Variants in CAMTA1 observed in about 807,000 individuals in gnomAD.
The protein encoded by CAMTA1 is calmodulin-binding transcription activator 1.
In CAMTA1, 27 loss-of-function variants were observed where a neutral mutation model predicts 170.9. The observed-to-expected ratio is 0.16, with a 90% CI of 0.12 to 0.22. The LOEUF (loss-of-function observed/expected upper bound fraction) is 0.22. Ranked by LOEUF, CAMTA1 falls within the 10% of genes least tolerant of loss-of-function variation. The probability of loss-of-function intolerance (pLI) is 1.00; values close to 1 mark genes in which losing one functional copy is unlikely to be tolerated. For missense variants in CAMTA1, 1,619 were observed against 2,217.2 expected (o/e 0.73, Z 5.42); for synonymous variants, 833 against 891.5 (o/e 0.93, Z 1.17).
chr1:7,186,831 G>A lies in CAMTA1; in HGVS notation c.303-62660G>A, dbSNP rs112123108. 6.0e-3 allele frequency among the ~76,000 whole-genome samples: 914 copies of A among 152,308 alleles called. 10 individuals carry two copies. The highest frequency in any genetic ancestry group is 0.021 in the African/African-American group (865 of 41,562). Reference sequence around the variant, plus strand: ...AGGGGAGAGAAATATACACCACGCTGGCAGTGTAGAGAAACGTGCACAACC... The same window carrying A: ...AGGGGAGAGAAATATACACCACGCTAGCAGTGTAGAGAAACGTGCACAACC... On this transcript the variant is annotated intron_variant, in intron 4 of 22. Coordinates refer to ENST00000303635, the MANE Select transcript of CAMTA1 (RefSeq NM_015215.4).
At chr1:7,101,677 A>G (rs1277214953) in intron 4 of CAMTA1, among the ~76,000 whole-genome samples, 2 of 152,230 alleles carry the variant, frequency 1.3e-5, no homozygotes, top group African/African-American at 2.4e-5. Context: ...CACAGCACAC[A>G]TGTAGACACA....
intron 6 of CAMTA1, among the ~76,000 whole-genome samples, chr1:7,600,218 G>T (rs796361728): frequency 6.6e-6 from 1 of 152,276 alleles, no homozygotes; most frequent in East Asian, 1.9e-4. Flanking sequence ...TTTGTCGTTG[G>T]TTCTGTTTAT....
intron 5 of CAMTA1, among the ~76,000 whole-genome samples, chr1:7,413,297 C>G (rs1325412805): frequency 6.6e-6 from 1 of 151,996 alleles, no homozygotes; most frequent in African/African-American, 2.4e-5. Context: ...GTGAAGAAAG[C>G]CATTGGTAGC....
At chr1:7,476,400 A>T (rs2093420408) in intron 6 of CAMTA1, among the ~76,000 whole-genome samples, 1 of 152,192 alleles carries the variant, frequency 6.6e-6, no homozygotes, top group Non-Finnish European at 1.5e-5. Context: ...CGGGGCGGTC[A>T]GGGGAGGCTT....
intron 4 of CAMTA1, among the ~76,000 whole-genome samples, chr1:7,150,445 A>G (rs765307485): frequency 1.3e-5 from 2 of 152,048 alleles, no homozygotes; most frequent in Non-Finnish European, 2.9e-5. Context: ...CAGAGACACC[A>G]ATGCCTCTAC....
Position 7,718,347 on chromosome 1 carries a change from G to T in CAMTA1, c.2915-14101G>T, listed in dbSNP as rs193111760. ...TTCAAGTGGTGTTTTGATCATGCTA[G>T]GCGCCACCAAACAAGCCGCTGGTGC... is the stretch of plus-strand genomic sequence containing the variant. On this transcript the variant is annotated intron_variant, in intron 11 of 22. Coordinates refer to ENST00000303635, the MANE Select transcript of CAMTA1 (RefSeq NM_015215.4). Among the ~76,000 whole-genome samples the T allele has an allele frequency of 1.3e-4, 20 of 152,268 alleles. 3 individuals are homozygous for T. Among genetic ancestry groups the T allele is most frequent in the Admixed American group, 5.2e-4 (8 of 15,294 alleles).
At chr1:6,917,459 G>C (rs1204060221) in intron 3 of CAMTA1, among the ~76,000 whole-genome samples, 2 of 151,894 alleles carry the variant, frequency 1.3e-5, no homozygotes, top group African/African-American at 4.8e-5. Flanking sequence ...CTAGGTGACA[G>C]TTGGCCCAGA....
At chr1:7,341,740 A>G (rs1196128645) in intron 5 of CAMTA1, among the ~76,000 whole-genome samples, 2 of 152,230 alleles carry the variant, frequency 1.3e-5, no homozygotes, top group Admixed American at 6.5e-5. Flanking sequence ...TGGGCTCAGC[A>G]TCTTGGCCAG....
chr1:7,157,097 A>T (rs1449909135), intron 4 of CAMTA1, among the ~76,000 whole-genome samples: 1 of 152,142 alleles, frequency 6.6e-6, no homozygotes, highest in Non-Finnish European at 1.5e-5. Context: ...TAATCCCAGC[A>T]CTTTGGGAGG....
chr1:7,622,893 T>C (rs571559093), intron 6 of CAMTA1, among the ~76,000 whole-genome samples: 1 of 152,330 alleles, frequency 6.6e-6, no homozygotes, highest in African/African-American at 2.4e-5. Context: ...CTCTGTGCTT[T>C]CTTGTTTCAC....
intron 3 of CAMTA1, among the ~76,000 whole-genome samples, chr1:7,089,354 A>G (rs1390273738): frequency 1.3e-5 from 2 of 152,294 alleles, no homozygotes; most frequent in East Asian, 3.9e-4. Context: ...TAAGTGTGTT[A>G]CTATTTTGCC....
intron 4 of CAMTA1, among the ~76,000 whole-genome samples, chr1:7,179,399 A>G (rs1483174460): frequency 1.3e-5 from 2 of 152,234 alleles, no homozygotes; most frequent in Non-Finnish European, 2.9e-5. Flanking sequence ...GATAGGTATT[A>G]TGGAGATATA....
At position 7,197,774 on chromosome 1, in the gene CAMTA1, G is replaced by A. The variant is rs148392710; in HGVS notation, c.303-51717G>A. ...TCCTAGTTGAGAAGAAAGACTCCGA[G>A]AGGGTGGAATCCTACCCTAGGTCAT... On this transcript the variant is annotated intron_variant, in intron 4 of 22. Transcript: ENST00000303635. Among the ~76,000 whole-genome samples the A allele has an allele frequency of 1.6e-3, 243 of 152,210 alleles. 3 individuals carry two copies. Among genetic ancestry groups the A allele is most frequent in the Middle Eastern group, 6.8e-3 (2 of 294 alleles).
intron 5 of CAMTA1, among the ~76,000 whole-genome samples, chr1:7,422,780 C>T (rs544275150): frequency 9.6e-4 from 146 of 152,272 alleles, no homozygotes; most frequent in African/African-American, 3.3e-3. Flanking sequence ...GCCACCTGGA[C>T]ACAGGGCTCC....
intron 5 of CAMTA1, among the ~76,000 whole-genome samples, chr1:7,392,901 A>C (rs2088884973): frequency 6.6e-6 from 1 of 150,984 alleles, no homozygotes; most frequent in Admixed American, 6.6e-5. Flanking sequence ...ATCAATCTAT[A>C]AGCTGAGTGT....
intron 5 of CAMTA1, among the ~76,000 whole-genome samples, chr1:7,332,910 A>T (rs1413581718): frequency 6.6e-6 from 1 of 152,222 alleles, no homozygotes; most frequent in East Asian, 1.9e-4. Flanking sequence ...TGAGAGGTGC[A>T]GGGAAAGCTG....
intron 3 of CAMTA1, among the ~76,000 whole-genome samples, chr1:6,851,239 C>G (rs1348972402): frequency 1.3e-5 from 2 of 152,066 alleles, no homozygotes; most frequent in Non-Finnish European, 2.9e-5. Context: ...CACCCCCTCC[C>G]CAGTAGAAAA....
At chr1:7,555,956 T>A (rs1174622628) in intron 6 of CAMTA1, among the ~76,000 whole-genome samples, 1 of 152,192 alleles carries the variant, frequency 6.6e-6, no homozygotes, top group Admixed American at 6.5e-5. Context: ...AGCAGGCGGC[T>A]GCCTGTTTAA....
intron 5 of CAMTA1, among the ~76,000 whole-genome samples, chr1:7,291,981 G>A (rs1673201844): frequency 6.6e-6 from 1 of 152,194 alleles, no homozygotes; most frequent in African/African-American, 2.4e-5. Flanking sequence ...AAGCTGGTGT[G>A]TGCATTGCAG....
Sources: gnomAD v4.1 joint callset for allele counts (sites outside exome capture counted in the v4.1 genomes callset) on GRCh38, gnomAD v4.1.1 for gene constraint, MANE v1.5 for transcripts, NCBI Gene and HGNC (gene_info 2026-07-23, HGNC 2026-07-21) for gene names.